The following CDC16 variants were observed in gnomAD, a reference collection of about 807,000 sequenced individuals.
CDC16 encodes the protein cell division cycle 16, also known as cell division cycle protein 16 homolog.
A neutral mutation model predicts 87.0 loss-of-function variants in CDC16; 34 were observed. That is an observed-to-expected ratio of 0.39 (90% CI 0.30 to 0.52). The LOEUF (loss-of-function observed/expected upper bound fraction) is 0.52. Among genes scored for constraint, CDC16 ranks in the 20% least tolerant of loss-of-function variants. The probability of loss-of-function intolerance (pLI) is 0.74; values close to 1 mark genes in which losing one functional copy is unlikely to be tolerated. For synonymous variants in CDC16, 263 were observed against 260.6 expected, an observed-to-expected ratio of 1.01 and a Z score of -0.09; for missense variants, 653 against 751.9, an observed-to-expected ratio of 0.87 and a Z score of 1.54.
At chr13:114,259,308 C>G (rs1440431123) in intron 13 of CDC16, 27 bp from the exon 14 acceptor site, 2 of 1,545,088 alleles carry the variant, frequency 1.3e-6, no homozygotes, top group Non-Finnish European at 1.7e-6. Flanking sequence ...TTCGAATAAT[C>G]TGCAACCTTT....
chr13:114,269,836 C>T lies in CDC16; in HGVS notation c.1604-2348C>T, dbSNP rs192174327. On this transcript the variant is annotated intron_variant, in intron 17 of 17. Coordinates refer to ENST00000356221, the MANE Select transcript of CDC16 (RefSeq NM_001078645.3). ...TCTCCTGCCTCAGCCTCCTGAGTAG[C>T]TGGGATTACAGGCGCATGCCACCAC... 2.1e-3 allele frequency among the ~76,000 whole-genome samples: 326 copies of T among 152,272 alleles called. 3 individuals are homozygous for T. The highest frequency in any genetic ancestry group is 7.5e-3 in the African/African-American group (311 of 41,544).
In CDC16 at chr13:114,244,936, A is replaced by G; in HGVS notation, c.814A>G (p.Ile272Val). 6.2e-7 allele frequency: 1 copy of G among 1,610,090 alleles called. No individual in the cohort carries two copies. The highest frequency in any genetic ancestry group is 8.5e-7 in the Non-Finnish European group (1 of 1,177,102). ...CCATGCAAGTTGTTTACCTGTACAT[A>G]TAGGGACGCTTGTAGAGCTGAATAA... ...PFHASCLPVH[I>V]GTLVELNKAN... Residue 272 changes from isoleucine to valine, a missense_variant, in exon 9 of 18, where the codon ATA (isoleucine) becomes GTA (valine). Coordinates refer to ENST00000356221, the MANE Select transcript of CDC16 (RefSeq NM_001078645.3).
chr13:114,245,122 T>C (rs2081788930), intron 9 of CDC16, among the ~76,000 whole-genome samples, 153 bp downstream of exon 9: 1 of 152,136 alleles, frequency 6.6e-6, no homozygotes, highest in Non-Finnish European at 1.5e-5. Context: ...GGAGGAAATG[T>C]TTAGGAAAGT....
intron 11 of CDC16, among the ~76,000 whole-genome samples, chr13:114,249,812 C>T (rs139328545): frequency 9.2e-4 from 140 of 152,272 alleles, no homozygotes; most frequent in African/African-American, 3.2e-3. Context: ...TAAGTAATAT[C>T]TGTAAGTTCT....
intron 12 of CDC16, among the ~76,000 whole-genome samples, chr13:114,251,140 CTGTT>C (rs2082150570): frequency 6.6e-6 from 1 of 152,128 alleles, no homozygotes; most frequent in African/African-American, 2.4e-5. Context: ...TTCACATTGA[CTGTT>C]TGGTCTCACC....
Position 114,272,567 on chromosome 13 carries a change from CAG to C in CDC16, c.*128_*129del. The stretch of plus-strand genomic sequence containing the variant: ...CAAACTGCATCTCTACATTTAGGAA[CAG>C]AGACCCGCCTTAAGAGACTGGATCG... On this transcript the variant is annotated 3_prime_UTR_variant, in exon 18 of 18. Transcript: ENST00000356221. 1 of 759,194 alleles carries C rather than the reference CAG, an allele frequency of 1.3e-6. No homozygotes were observed. The highest frequency in any genetic ancestry group is 2.6e-5 in the East Asian group (1 of 37,802). The allele number at this position is 759,194 out of a possible 1,614,324, so 47.0% of individuals were successfully genotyped here.
chr13:114,251,405 A>G (rs780865633), intron 12 of CDC16, among the ~76,000 whole-genome samples: 12 of 152,368 alleles, frequency 7.9e-5, no homozygotes, highest in South Asian at 2.1e-4. Flanking sequence ...GATAATACCA[A>G]TTAAAGACTT....
intron 3 of CDC16, among the ~76,000 whole-genome samples, chr13:114,238,217 G>A (rs559133808): frequency 1.3e-5 from 2 of 149,432 alleles, no homozygotes; most frequent in African/African-American, 2.5e-5. Context: ...GGCCTGAAGT[G>A]GAGCTGCTGC....
chr13:114,236,983 C>A, intron 3 of CDC16, 87 bp downstream of exon 3: 1 of 783,118 alleles, frequency 1.3e-6, no homozygotes, highest in South Asian at 2.1e-5. Context: ...CACCTGTAAT[C>A]CCAGCGCTTT....
In CDC16 at chr13:114,243,864, G is replaced by A. The variant is rs771725529; in HGVS notation, c.642G>A (p.Lys214=). The change falls in exon 8 of 18, where the codon AAG becomes AAA. Residue 214 remains lysine (K), a synonymous_variant. Transcript: ENST00000356221. The part of the protein sequence containing the change: ...LFENKLKKYN[K]PSETVIPESV... ...ATTTCTATGTGTTTCAGTATAATAAGCCTAGTGAAACGGTCATCCCTGAAT... is the reference window on the plus strand; with the variant it reads ...ATTTCTATGTGTTTCAGTATAATAAACCTAGTGAAACGGTCATCCCTGAAT... The A allele has an allele frequency of 2.5e-6, 4 of 1,608,942 alleles. No homozygotes were observed. The highest frequency in any genetic ancestry group is 3.4e-6 in the Non-Finnish European group (4 of 1,176,402).
At chr13:114,243,195 G>T in intron 6 of CDC16, 62 bp from the exon 7 acceptor site, 1 of 786,184 alleles carries the variant, frequency 1.3e-6, no homozygotes, top group South Asian at 1.5e-5. Context: ...ATTTTTAGTT[G>T]TTGGCTTTTT....
intron 10 of CDC16, 128 bp from the exon 11 acceptor site, chr13:114,246,803 T>C: frequency 3.0e-6 from 2 of 675,080 alleles, no homozygotes; most frequent in South Asian, 3.5e-5. Flanking sequence ...ATTAGAGAAA[T>C]GTCTAACTTA....
In CDC16 at chr13:114,235,116, G is replaced by A. The variant is rs2081178126; in HGVS notation, c.32G>A (p.Arg11Gln). The A allele has an allele frequency of 8.0e-7, 1 of 1,245,510 alleles. No homozygotes were observed. The highest frequency in any genetic ancestry group is 1.0e-6 in the Non-Finnish European group (1 of 995,204). 77.2% of individuals were successfully genotyped at this position (1,245,510 alleles called of 1,614,324 possible). A position where few individuals can be genotyped will look rare whatever the true frequency, so the allele number is the denominator to read the frequency against. MNLERLRKRV[R>Q]QYLDQQQYQS... ...CTAGAGCGGCTGCGGAAGCGCGTCC[G>A]GCAGTACCTCGACCAGGTGGGCGGC... is the stretch of plus-strand genomic sequence containing the variant. Residue 11 changes from arginine to glutamine, a missense_variant, in exon 1 of 18, where the codon CGG becomes CAG. By Grantham distance (43) the Arg-to-Gln change is conservative (BLOSUM62 1). Transcript: ENST00000356221.
In CDC16 at chr13:114,257,207, C is replaced by T. The variant is rs755616802; in HGVS notation, c.1227C>T (p.Gly409=). ...ACCCTTTTGTTATGCATGAGGTCGGCGTGGTTGCATTTCAGAATGGAGAGT... is the reference window on the plus strand; with the variant it reads ...ACCCTTTTGTTATGCATGAGGTCGGTGTGGTTGCATTTCAGAATGGAGAGT... The part of the protein sequence containing the change: ...PEDPFVMHEV[G]VVAFQNGEWK... The change falls in exon 13 of 18, where the codon GGC becomes GGT. Residue 409 remains glycine, a synonymous_variant. Coordinates refer to ENST00000356221, the MANE Select transcript of CDC16 (RefSeq NM_001078645.3). 20 of 1,607,212 alleles carry T rather than the reference C, an allele frequency of 1.2e-5. No homozygotes were observed. Among genetic ancestry groups the T allele is most frequent in the Admixed American group, 1.7e-5 (1 of 59,680 alleles).
At chr13:114,236,329 C>T (rs1370387179) in intron 1 of CDC16, among the ~76,000 whole-genome samples, 1 of 152,226 alleles carries the variant, frequency 6.6e-6, no homozygotes, top group Non-Finnish European at 1.5e-5. Context: ...TTGTTAATGA[C>T]TAGCTTTTGC....
chr13:114,243,165 A>T, intron 6 of CDC16, 92 bp from the exon 7 acceptor site: 1 of 703,858 alleles, frequency 1.4e-6, no homozygotes, highest in South Asian at 1.7e-5. Context: ...ATTTACTTAG[A>T]CCAAGAACTG....
intron 11 of CDC16, 85 bp from the exon 12 acceptor site, chr13:114,250,464 C>T: frequency 7.4e-7 from 1 of 1,348,262 alleles, no homozygotes. Flanking sequence ...TGCACTCCAG[C>T]CTGAGCGACA....
At chr13:114,250,428 G>A in intron 11 of CDC16, 121 bp from the exon 12 acceptor site, 1 of 819,968 alleles carries the variant, frequency 1.2e-6, no homozygotes, top group East Asian at 2.9e-5. Context: ...GGAGGCGGAG[G>A]CTGCAGAGAG....
chr13:114,246,063 C>A lies in CDC16; in HGVS notation c.897+14C>A. 4 of 1,248,452 alleles carry A rather than the reference C, an allele frequency of 3.2e-6. No homozygotes were observed. Among genetic ancestry groups the A allele is most frequent in the Non-Finnish European group, 4.5e-6 (4 of 889,292 alleles). The allele number at this position is 1,248,452 out of a possible 1,614,324, so 77.3% of individuals were successfully genotyped here. A position where few individuals can be genotyped will look rare whatever the true frequency, so the allele number is the denominator to read the frequency against. ...CCTAGTAATCCTGTAAGTAATATAA[C>A]TTTTAGTCTTAGTTTTTTTTTTTTT... On this transcript the variant is annotated intron_variant, in intron 10 of 17. Transcript: ENST00000356221.
Sources: allele counts gnomAD v4.1 joint callset (sites outside exome capture counted in the v4.1 genomes callset), GRCh38; gene constraint gnomAD v4.1.1; transcripts MANE v1.5; gene names NCBI Gene and HGNC (gene_info 2026-07-23, HGNC 2026-07-21).